ZNF474: variants seen among roughly 807,000 people sequenced by gnomAD.
ZNF474 encodes the protein 4933409D10Rik.
For synonymous variants in ZNF474, 192 were observed against 162.2 expected, an observed-to-expected ratio of 1.18 and a Z score of -1.39; for missense variants, 511 against 433.8, an observed-to-expected ratio of 1.18 and a Z score of -1.58.
chr5:122,148,143 G>A (rs959199525), intron 1 of ZNF474: 1 of 152,184 alleles, frequency 6.6e-6, no homozygotes, highest in African/African-American at 2.4e-5. Flanking sequence ...TTTGCTTTTA[G>A]AGCTAACTTA....
chr5:122,151,705 A>ATGTCTGTGAGTG (rs58814754), intron 1 of ZNF474, 74 bp from the exon 2 acceptor site: 1 of 201,434 alleles, frequency 5.0e-6, no homozygotes, highest in African/African-American at 2.5e-5. Context: ...AACAACCTAA[A>ATGTCTGTGAGTG]TGTGTGTGTG....
intron 1 of ZNF474, among the ~76,000 whole-genome samples, chr5:122,135,475 C>T (rs748723988): frequency 4.6e-5 from 7 of 152,068 alleles, no homozygotes; most frequent in Non-Finnish European, 8.8e-5. Flanking sequence ...TGGATTTTAT[C>T]AGAAAGACAG....
chr5:122,141,603 G>A (rs547257686), intron 1 of ZNF474, among the ~76,000 whole-genome samples: 30 of 151,426 alleles, frequency 2.0e-4, no homozygotes, highest in South Asian at 6.3e-4. Context: ...CACTGCACCC[G>A]GCCCTAGCTA....
intron 1 of ZNF474, 90 bp downstream of exon 1, chr5:122,129,773 A>G (rs1445281431): frequency 1.3e-5 from 2 of 152,180 alleles, no homozygotes; most frequent in Non-Finnish European, 2.9e-5. Flanking sequence ...ACTAATAACA[A>G]CTGCTTCTCT....
chr5:122,135,297 TC>T (rs1288024338), intron 1 of ZNF474, among the ~76,000 whole-genome samples: 3 of 152,090 alleles, frequency 2.0e-5, no homozygotes, highest in African/African-American at 7.2e-5. Context: ...TATCAAGACT[TC>T]ATCTCAAAAA....
At chr5:122,133,158 A>C (rs559776467) in intron 1 of ZNF474, among the ~76,000 whole-genome samples, 3 of 152,344 alleles carry the variant, frequency 2.0e-5, no homozygotes, top group Non-Finnish European at 4.4e-5. Context: ...ATAGAATGTG[A>C]CTTGAACTTA....
chr5:122,137,054 G>A (rs960867383), intron 1 of ZNF474, among the ~76,000 whole-genome samples: 4 of 152,164 alleles, frequency 2.6e-5, no homozygotes, highest in Non-Finnish European at 5.9e-5. Context: ...GCTGAGTGCT[G>A]TAAAGATGAT....
intron 1 of ZNF474, among the ~76,000 whole-genome samples, chr5:122,137,929 C>A (rs1392048631): frequency 6.6e-6 from 1 of 152,234 alleles, no homozygotes; most frequent in Admixed American, 6.5e-5. Flanking sequence ...AAACAGCCCA[C>A]AGATGCGAGG....
chr5:122,138,735 G>A (rs552425247), intron 1 of ZNF474, among the ~76,000 whole-genome samples: 85 of 152,102 alleles, frequency 5.6e-4, no homozygotes, highest in African/African-American at 1.9e-3. Context: ...CCCTTGACCC[G>A]GAAGAAATAT....
At chr5:122,130,214 T>C (rs548974032) in intron 1 of ZNF474, among the ~76,000 whole-genome samples, 1 of 152,288 alleles carries the variant, frequency 6.6e-6, no homozygotes, top group South Asian at 2.1e-4. Flanking sequence ...GTAACCAATC[T>C]TGAGTTCTTA....
At chr5:122,137,907 C>A (rs532046265) in intron 1 of ZNF474, among the ~76,000 whole-genome samples, 2 of 152,332 alleles carry the variant, frequency 1.3e-5, no homozygotes, top group African/African-American at 4.8e-5. Context: ...TGCCTCTTCA[C>A]CTATGTGGTT....
At chr5:122,151,705 A>ATGTCTGTGTGTGTG (rs58814754) in intron 1 of ZNF474, 74 bp from the exon 2 acceptor site, 2,990 of 206,052 alleles carry the variant, frequency 0.015, 69 homozygotes, top group African/African-American at 0.045. Context: ...AACAACCTAA[A>ATGTCTGTGTGTGTG]TGTGTGTGTG....
rs1240452315 is a variant in ZNF474, at chr5:122,152,027, T to C, written c.37T>C (p.Leu13=). 5.0e-6 allele frequency: 8 copies of C among 1,611,710 alleles called. No homozygotes were observed. The highest frequency in any genetic ancestry group is 6.8e-6 in the Non-Finnish European group (8 of 1,179,466). The part of the protein sequence containing the change: ...RGKKKRISNK[L]QQTFHHSKEP... The stretch of plus-strand genomic sequence containing the variant: ...AAAGAAGAAAAGAATTTCCAATAAG[T>C]TACAACAAACTTTTCACCATTCTAA... The change falls in exon 2 of 2, where the codon TTA becomes CTA. Residue 13 remains leucine, a synonymous_variant. Coordinates refer to ENST00000296600, the MANE Select transcript of ZNF474 (RefSeq NM_207317.3).
chr5:122,152,529 T>A lies in ZNF474; in HGVS notation c.539T>A (p.Leu180His). 1 of 1,614,172 alleles carries A rather than the reference T, an allele frequency of 6.2e-7. No individual in the cohort carries two copies. Among genetic ancestry groups the A allele is most frequent in the Non-Finnish European group, 8.5e-7 (1 of 1,180,026 alleles). ...GGCCGCACATTCTTGCCAGATCATC[T>A]TCTTGTTCATCACAGAAGCTGCAAG... ...SCGRTFLPDH[L>H]LVHHRSCKPK... Residue 180 changes from leucine to histidine, a missense_variant, in exon 2 of 2, where the codon CTT becomes CAT. Transcript: ENST00000296600.
chr5:122,152,648 A>T lies in ZNF474; in HGVS notation c.658A>T (p.Arg220Trp). ...KACSGTPARP[R>W]TVICYICGKE... ...TTGTAGTGGAACCCCAGCCCGACCA[A>T]GGACTGTTATCTGCTACATATGTGG... The change falls in exon 2 of 2, where the codon AGG (arginine) becomes TGG (tryptophan). Residue 220 changes from arginine (R) to tryptophan (W), a missense_variant. Coordinates refer to ENST00000296600, the MANE Select transcript of ZNF474 (RefSeq NM_207317.3). 2 of 1,614,186 alleles carry T rather than the reference A, an allele frequency of 1.2e-6. No homozygotes were observed. The highest frequency in any genetic ancestry group is 1.7e-6 in the Non-Finnish European group (2 of 1,180,032).
chr5:122,148,599 A>G lies in ZNF474; in HGVS notation c.-212-3180A>G, dbSNP rs533072841. On this transcript the variant is annotated intron_variant, in intron 1 of 1. Coordinates refer to ENST00000296600, the MANE Select transcript of ZNF474 (RefSeq NM_207317.3). ...ATCGTTGGTCTGCCCCATTCCCCCA[A>G]CTGGTCCCTACCTCTGCTGGTTATG... is the stretch of plus-strand genomic sequence containing the variant. 2.0e-5 allele frequency among the ~76,000 whole-genome samples: 3 copies of G among 152,034 alleles called. No homozygotes were observed. In the South Asian group the frequency reaches 6.3e-4, roughly 32 times the overall value.
chr5:122,144,191 T>C (rs1430112897), intron 1 of ZNF474, among the ~76,000 whole-genome samples: 1 of 152,202 alleles, frequency 6.6e-6, no homozygotes, highest in African/African-American at 2.4e-5. Context: ...GAAGATTCCT[T>C]CCTAAATATT....
At chr5:122,130,635 T>C (rs950261559) in intron 1 of ZNF474, among the ~76,000 whole-genome samples, 3 of 152,196 alleles carry the variant, frequency 2.0e-5, no homozygotes, top group Non-Finnish European at 4.4e-5. Context: ...AAAGCAGCTA[T>C]AAAGATTCTT....
intron 1 of ZNF474, among the ~76,000 whole-genome samples, chr5:122,132,405 A>G (rs1755599175): frequency 6.6e-6 from 1 of 151,974 alleles, no homozygotes; most frequent in African/African-American, 2.4e-5. Flanking sequence ...TTTTTAGATA[A>G]TCCAATTTTT....
Sources: allele counts gnomAD v4.1 joint callset (sites outside exome capture counted in the v4.1 genomes callset), GRCh38; gene constraint gnomAD v4.1.1; transcripts MANE v1.5; gene names NCBI Gene and HGNC (gene_info 2026-07-23, HGNC 2026-07-21).